The following SH2D4A variants were observed in gnomAD, a reference collection of about 807,000 sequenced individuals.
The protein encoded by SH2D4A is SH2 domain-containing protein 4A.
In SH2D4A, 70 loss-of-function variants were observed where a neutral mutation model predicts 64.7. The ratio of observed to expected loss-of-function variants is 1.08; its 90% CI spans 0.89 to 1.32. The LOEUF (loss-of-function observed/expected upper bound fraction) is 1.32, where lower values mean the gene tolerates loss of function less well. SH2D4A is among the 40% of genes most tolerant of loss of function. The pLI is 0.00. For synonymous variants in SH2D4A, 268 were observed against 200.7 expected (o/e 1.34, Z -2.83); for missense variants, 706 against 540.1 (o/e 1.31, Z -3.04).
intron 8 of SH2D4A, among the ~76,000 whole-genome samples, chr8:19,385,200 C>A (rs532575674): frequency 4.6e-4 from 68 of 148,600 alleles, no homozygotes; most frequent in Admixed American, 8.2e-4. Context: ...GTTCACACTT[C>A]AGCTGTTTTT....
intron 4 of SH2D4A, among the ~76,000 whole-genome samples, chr8:19,355,022 G>A (rs1238031803): frequency 6.6e-6 from 1 of 152,196 alleles, no homozygotes; most frequent in African/African-American, 2.4e-5. Flanking sequence ...GAGCAGCGAA[G>A]TATCCTTTTA....
At chr8:19,388,793 G>C (rs1407118593) in intron 8 of SH2D4A, among the ~76,000 whole-genome samples, 1 of 152,184 alleles carries the variant, frequency 6.6e-6, no homozygotes, top group East Asian at 1.9e-4. Flanking sequence ...TAAGACACAA[G>C]CATTCATTAA....
At chr8:19,383,962 T>C (rs1190395511) in intron 8 of SH2D4A, among the ~76,000 whole-genome samples, 3 of 152,200 alleles carry the variant, frequency 2.0e-5, no homozygotes, top group Non-Finnish European at 4.4e-5. Context: ...TCAGCTGATA[T>C]GTAAAGTGCT....
chr8:19,323,338 A>T (rs1336414030), intron 2 of SH2D4A, among the ~76,000 whole-genome samples: 1 of 151,918 alleles, frequency 6.6e-6, no homozygotes, highest in Non-Finnish European at 1.5e-5. Flanking sequence ...TATTTTGTAT[A>T]TCTTGGGTAA....
At chr8:19,321,084 C>T (rs996450018) in intron 2 of SH2D4A, among the ~76,000 whole-genome samples, 3 of 152,162 alleles carry the variant, frequency 2.0e-5, no homozygotes, top group African/African-American at 7.2e-5. Context: ...TTATGAAACA[C>T]CTCCTGTTTC....
chr8:19,319,377 G>A lies in SH2D4A; in HGVS notation c.-171G>A, dbSNP rs1050786642. 43 of 1,268,922 alleles carry A rather than the reference G, an allele frequency of 3.4e-5. No homozygotes were observed. The highest frequency in any genetic ancestry group is 1.1e-5 in the Non-Finnish European group (11 of 1,006,468). 78.6% of individuals were successfully genotyped at this position (1,268,922 alleles called of 1,614,324 possible). On this transcript the variant is annotated 5_prime_UTR_variant, in exon 2 of 10. The change creates a new upstream start codon in the 5' untranslated region. Transcript: ENST00000265807. ...AACAGCATTTTGGACAGGACATTTG[G>A]TGCCAGGTCTGAGTAGCCAGTTTGC...
In SH2D4A at chr8:19,396,142, G is replaced by A. The variant is rs2053586470; in HGVS notation, c.*1500G>A. ...TCATTTTTCTTGGAGGATGGAGATT[G>A]GCTAGTACCTCTGGCCTAACTGTGT... On this transcript the variant is annotated 3_prime_UTR_variant, in exon 10 of 10. Transcript: ENST00000265807. 1 of 152,178 alleles carries A rather than the reference G, an allele frequency of 6.6e-6. No homozygotes were observed. Among genetic ancestry groups the A allele is most frequent in the African/African-American group, 2.4e-5 (1 of 41,438 alleles). 9.4% of individuals were successfully genotyped at this position (152,178 alleles called of 1,614,324 possible).
At chr8:19,365,037 C>T (rs1015859029) in intron 7 of SH2D4A, among the ~76,000 whole-genome samples, 1 of 152,096 alleles carries the variant, frequency 6.6e-6, no homozygotes, top group African/African-American at 2.4e-5. Flanking sequence ...GTATTAAAAT[C>T]AAATGTTGAT....
chr8:19,353,190 A>G (rs2052734597), intron 4 of SH2D4A, among the ~76,000 whole-genome samples: 1 of 152,120 alleles, frequency 6.6e-6, no homozygotes, highest in African/African-American at 2.4e-5. Context: ...AGATAACTAA[A>G]GAGTATATTT....
At chr8:19,346,481 T>C (rs1268319990) in intron 4 of SH2D4A, among the ~76,000 whole-genome samples, 1 of 152,214 alleles carries the variant, frequency 6.6e-6, no homozygotes. Flanking sequence ...GACACTCTAG[T>C]TGAAGGAAAG....
intron 7 of SH2D4A, among the ~76,000 whole-genome samples, chr8:19,365,115 C>T (rs2052970317): frequency 6.6e-6 from 1 of 152,176 alleles, no homozygotes; most frequent in Non-Finnish European, 1.5e-5. Context: ...TGAAATACTT[C>T]TCTAAGATTA....
intron 4 of SH2D4A, among the ~76,000 whole-genome samples, chr8:19,344,764 T>G (rs2052585721): frequency 9.2e-6 from 1 of 109,230 alleles, no homozygotes; most frequent in African/African-American, 4.0e-5. Flanking sequence ...CAGAAGTGTT[T>G]CAGATTTCAG....
At position 19,357,183 on chromosome 8, in the gene SH2D4A, G is replaced by A. The variant is rs2052805510; in HGVS notation, c.514-20G>A. ...CACTGCAGCTCCAAATGCCATAAAT[G>A]TGTTTCGTTTAATTTTTAGTCACTC... On this transcript the variant is annotated intron_variant, in intron 4 of 9. Transcript: ENST00000265807. 4 of 1,582,686 alleles carry A rather than the reference G, an allele frequency of 2.5e-6. No individual in the cohort carries two copies. The highest frequency in any genetic ancestry group is 2.7e-5 in the African/African-American group (2 of 74,230).
At chr8:19,313,961 G>T (rs887198205) in intron 1 of SH2D4A, 138 bp downstream of exon 1, 63 of 1,263,888 alleles carry the variant, frequency 5.0e-5, no homozygotes, top group Non-Finnish European at 6.1e-5. Flanking sequence ...CCTCACCCCC[G>T]CCTCCACCCC....
intron 8 of SH2D4A, among the ~76,000 whole-genome samples, chr8:19,384,335 A>G (rs1217862064): frequency 6.6e-6 from 1 of 152,164 alleles, no homozygotes; most frequent in Non-Finnish European, 1.5e-5. Context: ...GACAGGGGTG[A>G]GTCTTAGCAT....
At chr8:19,348,508 A>G (rs939812624) in intron 4 of SH2D4A, among the ~76,000 whole-genome samples, 17 of 152,208 alleles carry the variant, frequency 1.1e-4, no homozygotes, top group African/African-American at 4.1e-4. Context: ...CGTCTTCTAT[A>G]CCTTTCTTTC....
At chr8:19,391,526 T>C (rs1484253291) in intron 8 of SH2D4A, among the ~76,000 whole-genome samples, 6 of 152,116 alleles carry the variant, frequency 3.9e-5, no homozygotes, top group African/African-American at 1.4e-4. Flanking sequence ...GTTTCGAGGA[T>C]GTTGACTATC....
Position 19,319,330 on chromosome 8 carries a change from C to G in SH2D4A, c.-204-14C>G. The G allele has an allele frequency of 1.7e-6, 2 of 1,205,126 alleles. No homozygotes were observed. The highest frequency in any genetic ancestry group is 2.1e-6 in the Non-Finnish European group (2 of 971,058). The allele number at this position is 1,205,126 out of a possible 1,614,324, so 74.7% of individuals were successfully genotyped here. ...TTAACACGCTGCCTGAATGTGGGCT[C>G]TTTCTCTCTGCAGGTTCAGTGAACA... is the stretch of plus-strand genomic sequence containing the variant. On this transcript the variant is annotated splice_polypyrimidine_tract_variant and intron_variant, in intron 1 of 9. Coordinates refer to ENST00000265807, the MANE Select transcript of SH2D4A (RefSeq NM_022071.4).
At chr8:19,353,327 T>C (rs1356482888) in intron 4 of SH2D4A, among the ~76,000 whole-genome samples, 2 of 151,940 alleles carry the variant, frequency 1.3e-5, no homozygotes, top group African/African-American at 4.8e-5. Context: ...CCTCTGATAT[T>C]GCCATCATAA....
Sources: gnomAD v4.1 joint callset for allele counts (sites outside exome capture counted in the v4.1 genomes callset) on GRCh38, gnomAD v4.1.1 for gene constraint, MANE v1.5 for transcripts, NCBI Gene and HGNC (gene_info 2026-07-23, HGNC 2026-07-21) for gene names.